The following RGS21 variants were observed in gnomAD, a reference collection of about 807,000 sequenced individuals.
RGS21 encodes regulator of G-protein signalling 21.
In RGS21, 19 loss-of-function variants were observed where a neutral mutation model predicts 18.7. The observed-to-expected ratio is 1.01, with a 90% CI of 0.71 to 1.49. The LOEUF is 1.49. Ranked by LOEUF, RGS21 falls within the 40% of genes most tolerant of loss-of-function variation. The pLI is 0.00. For synonymous variants in RGS21, 56 were observed against 57.8 expected (o/e 0.97, Z 0.14); for missense variants, 194 against 176.8 (o/e 1.10, Z -0.55).
At chr1:192,325,308 T>G (rs1235888135) in intron 1 of RGS21, among the ~76,000 whole-genome samples, 1 of 152,096 alleles carries the variant, frequency 6.6e-6, no homozygotes, top group Non-Finnish European at 1.5e-5. Context: ...TGATTTGGTT[T>G]TTGTTTTATA....
rs1470694562 is a variant in RGS21, at chr1:192,343,183, T to C, written c.11+136T>C. The C allele has an allele frequency of 1.9e-5, 17 of 879,188 alleles. No homozygotes were observed. The Admixed American group carries it at 3.5e-4, about 18-fold the overall frequency. 54.5% of individuals were successfully genotyped at this position (879,188 alleles called of 1,614,324 possible). ...TTGTTGTCTTCCTGATTTTTTCTCC[T>C]TTCTCTACTGATTTCTTCTTTTTGA... is the stretch of plus-strand genomic sequence containing the variant. On this transcript the variant is annotated intron_variant, in intron 2 of 4. Transcript: ENST00000417209.
chr1:192,356,211 A>T (rs899912550), intron 4 of RGS21, among the ~76,000 whole-genome samples: 1 of 151,814 alleles, frequency 6.6e-6, no homozygotes, highest in Admixed American at 6.6e-5. Context: ...ATTCAGCACA[A>T]TGTTGCTTAT....
At chr1:192,345,214 G>A (rs1307796217) in intron 2 of RGS21, among the ~76,000 whole-genome samples, 1 of 152,004 alleles carries the variant, frequency 6.6e-6, no homozygotes, top group East Asian at 1.9e-4. Flanking sequence ...TGTCCTTAAA[G>A]GACACTGCCT....
chr1:192,333,269 T>TAC (rs137948736), intron 1 of RGS21, among the ~76,000 whole-genome samples: 5,798 of 142,942 alleles, frequency 0.041, 174 homozygotes, highest in Admixed American at 0.079. Context: ...GTTTCTTAAA[T>TAC]ACACACACAC....
intron 4 of RGS21, among the ~76,000 whole-genome samples, chr1:192,357,599 C>T (rs934331126): frequency 1.3e-5 from 2 of 151,834 alleles, no homozygotes; most frequent in African/African-American, 2.4e-5. Flanking sequence ...ATGAGCCCTG[C>T]AGTCATTAAG....
intron 3 of RGS21, 52 bp from the exon 4 acceptor site, chr1:192,351,995 T>C (rs1444539536): frequency 2.8e-6 from 3 of 1,086,478 alleles, no homozygotes; most frequent in African/African-American, 1.6e-5. Flanking sequence ...ATTTTGGTCA[T>C]ATTACTACTC....
At chr1:192,319,143 G>T (rs1349522551) in intron 1 of RGS21, among the ~76,000 whole-genome samples, 1 of 152,110 alleles carries the variant, frequency 6.6e-6, no homozygotes, top group Non-Finnish European at 1.5e-5. Flanking sequence ...TAGCTACTTG[G>T]GAGGCTGAGG....
At chr1:192,325,828 A>T (rs1557973694) in intron 1 of RGS21, among the ~76,000 whole-genome samples, 1 of 151,966 alleles carries the variant, frequency 6.6e-6, no homozygotes, top group Non-Finnish European at 1.5e-5. Context: ...TAAGTTCCTT[A>T]TAGATTCTGG....
chr1:192,330,968 TG>T (rs1297146980), intron 1 of RGS21, among the ~76,000 whole-genome samples: 1 of 152,208 alleles, frequency 6.6e-6, no homozygotes, highest in African/African-American at 2.4e-5. Flanking sequence ...GGCACTGAGA[TG>T]TATTTTGTAA....
intron 2 of RGS21, among the ~76,000 whole-genome samples, chr1:192,346,513 G>A (rs1297573550): frequency 6.6e-6 from 1 of 152,078 alleles, no homozygotes; most frequent in Non-Finnish European, 1.5e-5. Flanking sequence ...CTGGGCAGCA[G>A]ATGCTTTCTA....
At chr1:192,334,905 T>C (rs145207120) in intron 1 of RGS21, among the ~76,000 whole-genome samples, 1,620 of 152,260 alleles carry the variant, frequency 0.011, 33 homozygotes, top group African/African-American at 0.036. Flanking sequence ...TTGTCACTTA[T>C]GTCATTACAA....
rs149259059 is a variant in RGS21, at chr1:192,362,995, G to C, written c.256-2926G>C. On this transcript the variant is annotated intron_variant, in intron 4 of 4. Coordinates refer to ENST00000417209, the MANE Select transcript of RGS21 (RefSeq NM_001039152.3). ...ATCCACACATAAACTTCAATGCTAGGTGTTAGTTAAATTTAAAGACAAAAA... is the reference window on the plus strand; with the variant it reads ...ATCCACACATAAACTTCAATGCTAGCTGTTAGTTAAATTTAAAGACAAAAA... 4.1e-4 allele frequency among the ~76,000 whole-genome samples: 63 copies of C among 152,186 alleles called. 1 individual carries two copies. Among genetic ancestry groups the C allele is most frequent in the East Asian group, 1.9e-3 (10 of 5,184 alleles).
intron 4 of RGS21, among the ~76,000 whole-genome samples, chr1:192,361,050 A>T (rs1659180965): frequency 6.6e-6 from 1 of 152,114 alleles, no homozygotes; most frequent in South Asian, 2.1e-4. Flanking sequence ...TTTCCAAAAT[A>T]TGTTAAGACT....
At chr1:192,327,551 C>A (rs1434270962) in intron 1 of RGS21, among the ~76,000 whole-genome samples, 2 of 152,042 alleles carry the variant, frequency 1.3e-5, no homozygotes, top group African/African-American at 4.8e-5. Flanking sequence ...CAGCTCACTG[C>A]AACCTTCACC....
In RGS21 at chr1:192,366,506, T is replaced by A. The variant is rs968102479; in HGVS notation, c.*382T>A. On this transcript the variant is annotated 3_prime_UTR_variant, in exon 5 of 5. Transcript: ENST00000417209. ...TGCTTTATTCAAAAAAATCTCACTT[T>A]TGTAAAAAGAGAATTTCTGAACCAA... is the stretch of plus-strand genomic sequence containing the variant. The A allele has an allele frequency of 6.5e-6, 1 of 152,712 alleles. No individual in the cohort carries two copies. Among genetic ancestry groups the A allele is most frequent in the African/African-American group, 2.4e-5 (1 of 41,458 alleles). The allele number at this position is 152,712 out of a possible 1,614,324, so 9.5% of individuals were successfully genotyped here. A position where few individuals can be genotyped will look rare whatever the true frequency, so the allele number is the denominator to read the frequency against.
intron 1 of RGS21, among the ~76,000 whole-genome samples, chr1:192,341,491 C>T (rs186289768): frequency 1.3e-5 from 2 of 152,166 alleles, no homozygotes; most frequent in Admixed American, 6.6e-5. Flanking sequence ...ATCATTCAGC[C>T]TAATAAGAAA....
At chr1:192,339,902 T>C (rs1658831751) in intron 1 of RGS21, among the ~76,000 whole-genome samples, 1 of 105,028 alleles carries the variant, frequency 9.5e-6, no homozygotes, top group South Asian at 2.6e-4. Context: ...AAATCCCCTT[T>C]ACTTTTTAAA....
At chr1:192,364,787 A>T (rs1557983591) in intron 4 of RGS21, among the ~76,000 whole-genome samples, 1 of 152,132 alleles carries the variant, frequency 6.6e-6, no homozygotes, top group Non-Finnish European at 1.5e-5. Context: ...TAGAATGATG[A>T]ATAAGACAGA....
chr1:192,347,905 C>T (rs1557979254), intron 3 of RGS21, among the ~76,000 whole-genome samples: 1 of 151,984 alleles, frequency 6.6e-6, no homozygotes, highest in African/African-American at 2.4e-5. Context: ...GGTGATCCAC[C>T]CACCTCAGCA....
Sources: gnomAD v4.1 joint callset for allele counts (sites outside exome capture counted in the v4.1 genomes callset) on GRCh38, gnomAD v4.1.1 for gene constraint, MANE v1.5 for transcripts, NCBI Gene and HGNC (gene_info 2026-07-23, HGNC 2026-07-21) for gene names.